Variants in SLC36A4 observed in about 807,000 individuals in gnomAD.
The protein encoded by SLC36A4 is solute carrier family 36 member 4, also known as neutral amino acid uniporter 4.
SLC36A4 carries 49 observed loss-of-function variants against 50.5 expected under a neutral mutation model. That is an observed-to-expected ratio of 0.97 (90% CI 0.77 to 1.23). The LOEUF is 1.23. SLC36A4 is among the 50% of genes most tolerant of loss of function. The pLI, the probability that SLC36A4 is intolerant of heterozygous loss-of-function variation, is 0.00. For missense variants in SLC36A4, 611 were observed against 608.4 expected (o/e 1.00, Z -0.05); for synonymous variants, 207 against 206.5 (o/e 1.00, Z -0.02).
chr11:93,185,555 T>C, intron 2 of SLC36A4, 136 bp downstream of exon 2: 1 of 766,836 alleles, frequency 1.3e-6, no homozygotes, highest in Non-Finnish European at 1.9e-6. Flanking sequence ...CCAAATAGAC[T>C]ATAAACTCAT....
chr11:93,151,989 C>T lies in SLC36A4; in HGVS notation c.1207+2119G>A, dbSNP rs189357087. The T allele has an allele frequency of 4.6e-5, 7 of 152,096 alleles. No homozygotes were observed. The East Asian group carries it at 9.7e-4, about 21-fold the overall frequency. 9.4% of individuals were successfully genotyped at this position (152,096 alleles called of 1,614,324 possible). A position where few individuals can be genotyped will look rare whatever the true frequency, so the allele number is the denominator to read the frequency against. The stretch of plus-strand genomic sequence containing the variant: ...ACCAGGTAAGCACCTAAAGGGAACA[C>T]GCAGGAGGAGTCTGAATCATTTCTA... On this transcript the variant is annotated intron_variant, in intron 10 of 10. Coordinates refer to ENST00000326402, the MANE Select transcript of SLC36A4 (RefSeq NM_152313.4).
At position 93,197,955 on chromosome 11, in the gene SLC36A4, G is replaced by A. The variant is rs998282462; in HGVS notation, c.-123C>T. The A allele has an allele frequency of 5.1e-5, 53 of 1,033,856 alleles. No homozygotes were observed. The highest frequency in any genetic ancestry group is 1.4e-4 in the African/African-American group (8 of 58,626). The allele number at this position is 1,033,856 out of a possible 1,614,324, so 64.0% of individuals were successfully genotyped here. A position where few individuals can be genotyped will look rare whatever the true frequency, so the allele number is the denominator to read the frequency against. ...ACCCGCGCCTGGTGCCCGCCTCCCT[G>A]CCCCGGCGCTCCCCAACCGCGCGGC... is the stretch of plus-strand genomic sequence containing the variant. On this transcript the variant is annotated 5_prime_UTR_variant, in exon 1 of 11. Transcript: ENST00000326402.
chr11:93,192,313 C>T (rs1163194707), intron 1 of SLC36A4, among the ~76,000 whole-genome samples: 2 of 152,020 alleles, frequency 1.3e-5, no homozygotes, highest in African/African-American at 4.8e-5. Context: ...AGGCAAAGGC[C>T]CTCAGGATGG....
At position 93,144,406 on chromosome 11, in the gene SLC36A4, T is replaced by G. The variant is rs1305345521; in HGVS notation, c.*4131A>C. 6.6e-6 allele frequency: 1 copy of G among 152,056 alleles called. No individual in the cohort carries two copies. The highest frequency in any genetic ancestry group is 6.6e-5 in the Admixed American group (1 of 15,244). The allele number at this position is 152,056 out of a possible 1,614,324, so 9.4% of individuals were successfully genotyped here. On this transcript the variant is annotated 3_prime_UTR_variant, in exon 11 of 11. Transcript: ENST00000326402. ...TTATCAAGAAAACGCTAATGAAATA[T>G]TTTTAGTGTTCTTTTCAAAACAGCA...
At chr11:93,162,462 C>A (rs1860662615) in intron 9 of SLC36A4, among the ~76,000 whole-genome samples, 1 of 152,080 alleles carries the variant, frequency 6.6e-6, no homozygotes, top group Admixed American at 6.6e-5. Context: ...GCACCCGCCA[C>A]CACGCCTGGC....
rs927822156 is a variant in SLC36A4, at chr11:93,160,302, T to A, written c.1037+2404A>T. 95 of 985,322 alleles carry A rather than the reference T, an allele frequency of 9.6e-5. No homozygotes were observed. The African/African-American group carries it at 1.6e-3, about 16-fold the overall frequency. 61.0% of individuals were successfully genotyped at this position (985,322 alleles called of 1,614,324 possible). A position where few individuals can be genotyped will look rare whatever the true frequency, so the allele number is the denominator to read the frequency against. On this transcript the variant is annotated intron_variant, in intron 9 of 10. Coordinates refer to ENST00000326402, the MANE Select transcript of SLC36A4 (RefSeq NM_152313.4). ...CAAATTCTCTAAAGGGAAATATGTG[T>A]CTTGACTGGCTTTCCTGTTTTTTCC... is the stretch of plus-strand genomic sequence containing the variant.
At chr11:93,156,573 C>G (rs1158672257) in intron 9 of SLC36A4, among the ~76,000 whole-genome samples, 2 of 152,004 alleles carry the variant, frequency 1.3e-5, no homozygotes, top group Non-Finnish European at 2.9e-5. Flanking sequence ...GCGCCTGCCA[C>G]CACACCTGGC....
chr11:93,191,685 G>A (rs985747402), intron 1 of SLC36A4, among the ~76,000 whole-genome samples: 1 of 152,110 alleles, frequency 6.6e-6, no homozygotes, highest in Non-Finnish European at 1.5e-5. Flanking sequence ...TGTTTTTCCT[G>A]GCACAATAGA....
intron 1 of SLC36A4, among the ~76,000 whole-genome samples, chr11:93,190,993 T>C (rs1435977669): frequency 6.6e-6 from 1 of 152,208 alleles, no homozygotes; most frequent in African/African-American, 2.4e-5. Context: ...TCAACTTGAA[T>C]GATATAAAAC....
chr11:93,186,878 C>T (rs1862005474), intron 1 of SLC36A4, among the ~76,000 whole-genome samples: 2 of 152,142 alleles, frequency 1.3e-5, no homozygotes. Flanking sequence ...TGGACTCCAT[C>T]CCAAAGTTTC....
At chr11:93,173,328 T>G (rs1486902535) in intron 6 of SLC36A4, among the ~76,000 whole-genome samples, 2 of 149,030 alleles carry the variant, frequency 1.3e-5, no homozygotes, top group Non-Finnish European at 3.0e-5. Context: ...TTGAGTTCAT[T>G]GTAGATTCTG....
chr11:93,165,485 C>A (rs1860818378), intron 8 of SLC36A4, among the ~76,000 whole-genome samples: 1 of 152,088 alleles, frequency 6.6e-6, no homozygotes, highest in South Asian at 2.1e-4. Context: ...TTCTGATTAC[C>A]TTCAGATAAT....
At chr11:93,180,112 T>G in intron 6 of SLC36A4, 1 of 954,086 alleles carries the variant, frequency 1.0e-6, no homozygotes, top group Non-Finnish European at 1.2e-6. Context: ...ATGTGGATAA[T>G]TAATAAATAT....
chr11:93,164,978 G>A (rs544891793), intron 8 of SLC36A4, among the ~76,000 whole-genome samples: 10 of 152,142 alleles, frequency 6.6e-5, no homozygotes, highest in Middle Eastern at 3.4e-3. Context: ...GAGATCCTAA[G>A]GAAATGTCAA....
chr11:93,184,390 G>T (rs1334684807), intron 3 of SLC36A4, 40 bp downstream of exon 3: 6 of 1,236,066 alleles, frequency 4.9e-6, no homozygotes, highest in Non-Finnish European at 2.4e-6. Context: ...ATGAGACTGA[G>T]AACTGCATCT....
At chr11:93,169,743 T>C (rs1179896208) in intron 6 of SLC36A4, among the ~76,000 whole-genome samples, 2 of 152,114 alleles carry the variant, frequency 1.3e-5, no homozygotes, top group Non-Finnish European at 2.9e-5. Flanking sequence ...CTTTACATTT[T>C]ATTTTCTATA....
Position 93,148,781 on chromosome 11 carries a change from C to T in SLC36A4, c.1271G>A (p.Ser424Asn). ...IVISFVGAVS[S>N]STLALILPPL... ...TGGCAGGATTAGGGCCAATGTGCTG[C>T]TGCTCACAGCTCCAACGAAGGAAAT... Residue 424 changes from serine to asparagine, a missense_variant, in exon 11 of 11, where the codon AGC (serine) becomes AAC (asparagine). Transcript: ENST00000326402. 2 of 1,612,916 alleles carry T rather than the reference C, an allele frequency of 1.2e-6. No homozygotes were observed. Among genetic ancestry groups the T allele is most frequent in the Non-Finnish European group, 1.7e-6 (2 of 1,179,330 alleles).
In SLC36A4 at chr11:93,172,102, T is replaced by C. The variant is rs375944268; in HGVS notation, c.541-3931A>G. Among the ~76,000 whole-genome samples, 106 of 152,118 alleles carry C rather than the reference T, an allele frequency of 7.0e-4. 2 individuals are homozygous for C. The highest frequency in any genetic ancestry group is 2.4e-3 in the African/African-American group (100 of 41,510). ...ATAAGAACTTAATTATTTGCAAATATCTAGTAAAAGTTAGAAGAAATAGTT... is the reference window on the plus strand; with the variant it reads ...ATAAGAACTTAATTATTTGCAAATACCTAGTAAAAGTTAGAAGAAATAGTT... On this transcript the variant is annotated intron_variant, in intron 6 of 10. Coordinates refer to ENST00000326402, the MANE Select transcript of SLC36A4 (RefSeq NM_152313.4).
rs1062050 is a variant in SLC36A4 at position 93,147,878 on chromosome 11, T to G, written c.*659A>C. 36,084 of 151,910 alleles carry G rather than the reference T, an allele frequency of 0.24. 5,201 individuals carry two copies. Among genetic ancestry groups the G allele is most frequent in the East Asian group, 0.32 (1,617 of 5,118 alleles). 9.4% of individuals were successfully genotyped at this position (151,910 alleles called of 1,614,324 possible). On this transcript the variant is annotated 3_prime_UTR_variant, in exon 11 of 11. Coordinates refer to ENST00000326402, the MANE Select transcript of SLC36A4 (RefSeq NM_152313.4). ...CACTGGATAAGTTTTAAAGTCCCTT[T>G]TCAAATTTCATTGAAACACTAAGTC... is the stretch of plus-strand genomic sequence containing the variant.
Sources: allele counts gnomAD v4.1 joint callset (sites outside exome capture counted in the v4.1 genomes callset), GRCh38; gene constraint gnomAD v4.1.1; transcripts MANE v1.5; gene names NCBI Gene and HGNC (gene_info 2026-07-23, HGNC 2026-07-21).